KCNG4: variants seen among roughly 807,000 people sequenced by gnomAD.
KCNG4 encodes the protein potassium voltage-gated channel modifier subfamily G member 4, also known as voltage-gated potassium channel regulatory subunit KCNG4.
Under a neutral mutation model 28.2 loss-of-function variants are expected in KCNG4, and 30 were observed. The ratio of observed to expected loss-of-function variants is 1.06; its 90% CI spans 0.80 to 1.44. The LOEUF (loss-of-function observed/expected upper bound fraction) is 1.44. Among genes scored for constraint, KCNG4 ranks in the 40% most tolerant of loss-of-function variants. The pLI is 0.00. For missense variants in KCNG4, 879 were observed against 712.3 expected, an observed-to-expected ratio of 1.23 and a Z score of -2.66; for synonymous variants, 375 against 315.5, an observed-to-expected ratio of 1.19 and a Z score of -2.00.
intron 2 of KCNG4, among the ~76,000 whole-genome samples, chr16:84,232,113 A>G (rs1049703408): frequency 1.8e-4 from 28 of 151,738 alleles, no homozygotes; most frequent in Admixed American, 1.6e-3. Context: ...TCTCAAATCC[A>G]TCTTGTTCCT....
chr16:84,228,883 G>T (rs149725912), intron 2 of KCNG4, among the ~76,000 whole-genome samples: 1 of 152,338 alleles, frequency 6.6e-6, no homozygotes, highest in African/African-American at 2.4e-5. Context: ...GTCCTCTCCC[G>T]CTGCTGCCCT....
chr16:84,232,974 C>T (rs1471454971), intron 2 of KCNG4, among the ~76,000 whole-genome samples: 2 of 151,758 alleles, frequency 1.3e-5, no homozygotes, highest in Non-Finnish European at 1.5e-5. Flanking sequence ...GTCTTCTCTC[C>T]AGCACCCAGA....
intron 1 of KCNG4, among the ~76,000 whole-genome samples, chr16:84,237,943 A>G (rs561281998): frequency 7.2e-5 from 11 of 152,238 alleles, no homozygotes; most frequent in Admixed American, 2.0e-4. Context: ...ACAGGTAGTA[A>G]AAATAGAGCT....
intron 2 of KCNG4, among the ~76,000 whole-genome samples, chr16:84,228,141 A>AGCT (rs1462588677): frequency 6.6e-6 from 1 of 152,206 alleles, no homozygotes; most frequent in African/African-American, 2.4e-5. Flanking sequence ...CTGAGGGCAA[A>AGCT]GCTGCTGCCC....
At chr16:84,229,720 G>C (rs528541794) in intron 2 of KCNG4, among the ~76,000 whole-genome samples, 1 of 152,304 alleles carries the variant, frequency 6.6e-6, no homozygotes, top group South Asian at 2.1e-4. Flanking sequence ...CTGCAGAGGT[G>C]GGGGGACTGT....
At chr16:84,225,664 A>G (rs1567624377) in intron 2 of KCNG4, among the ~76,000 whole-genome samples, 1 of 152,248 alleles carries the variant, frequency 6.6e-6, no homozygotes, top group Non-Finnish European at 1.5e-5. Flanking sequence ...ATGACCCGAT[A>G]GCTCAGGAAG....
At chr16:84,238,521 G>T (rs1414792445) in intron 1 of KCNG4, among the ~76,000 whole-genome samples, 1 of 152,188 alleles carries the variant, frequency 6.6e-6, no homozygotes, top group African/African-American at 2.4e-5. Context: ...AGCCATCCTT[G>T]CTGTGTGACC....
chr16:84,231,033 A>G (rs1163004288), intron 2 of KCNG4, among the ~76,000 whole-genome samples: 1 of 152,200 alleles, frequency 6.6e-6, no homozygotes, highest in Non-Finnish European at 1.5e-5. Flanking sequence ...GGCCATTGCT[A>G]TTAGGTTGGA....
intron 1 of KCNG4, among the ~76,000 whole-genome samples, chr16:84,239,137 A>G (rs1164781885): frequency 6.6e-6 from 1 of 152,194 alleles, no homozygotes; most frequent in East Asian, 1.9e-4. Flanking sequence ...TGGAACGGAA[A>G]TCAAAGTTCC....
chr16:84,239,306 G>C (rs1597623571), intron 1 of KCNG4, among the ~76,000 whole-genome samples: 1 of 152,232 alleles, frequency 6.6e-6, no homozygotes, highest in East Asian at 1.9e-4. Context: ...AGAGAGAAGA[G>C]TATTTTGAAA....
In KCNG4 at chr16:84,221,903, G is replaced by C. The variant is rs1362724842; in HGVS notation, c.*314C>G. ...CTATGGGCATCCAGAACCCAGCCTGGGATGTTAAAGCCTCTGCTGGGAAGG... is the reference window on the plus strand; with the variant it reads ...CTATGGGCATCCAGAACCCAGCCTGCGATGTTAAAGCCTCTGCTGGGAAGG... On this transcript the variant is annotated 3_prime_UTR_variant, in exon 3 of 3. Transcript: ENST00000308251. 2.8e-6 allele frequency: 1 copy of C among 362,128 alleles called. No individual in the cohort carries two copies. The highest frequency in any genetic ancestry group is 5.0e-6 in the Non-Finnish European group (1 of 198,492). The allele number at this position is 362,128 out of a possible 1,614,324, so 22.4% of individuals were successfully genotyped here.
intron 2 of KCNG4, among the ~76,000 whole-genome samples, chr16:84,224,777 CTG>C (rs568129525): frequency 8.5e-4 from 129 of 152,356 alleles, no homozygotes; most frequent in Admixed American, 6.3e-3. Flanking sequence ...TCTTTGGAAA[CTG>C]AAGCACAGAG....
Position 84,222,820 on chromosome 16 carries a change from G to A in KCNG4, c.957C>T (p.Asp319=), listed in dbSNP as rs150509470. 6.3e-5 allele frequency: 101 copies of A among 1,609,808 alleles called. No homozygotes were observed. The highest frequency in any genetic ancestry group is 1.8e-4 in the Admixed American group (11 of 59,800). ...SLAVSEEPPE[D]GERPSGSSYL... is the part of the protein sequence containing the mutation. The stretch of plus-strand genomic sequence containing the variant: ...AGGAGCTCCCGCTCGGCCTCTCGCC[G>A]TCCTCCGGGGGCTCCTCAGACACCG... Residue 319 remains aspartate, a synonymous_variant, in exon 3 of 3, where the codon GAC becomes GAT. Transcript: ENST00000308251.
intron 2 of KCNG4, among the ~76,000 whole-genome samples, chr16:84,232,907 A>C (rs1469313612): frequency 6.6e-6 from 1 of 151,572 alleles, no homozygotes; most frequent in African/African-American, 2.4e-5. Context: ...AAAAAAAAAA[A>C]AAAAAAAAAT....
intron 2 of KCNG4, among the ~76,000 whole-genome samples, chr16:84,230,145 C>G (rs371644608): frequency 6.6e-6 from 1 of 152,186 alleles, no homozygotes; most frequent in Admixed American, 6.5e-5. Context: ...TGGCTCAGGC[C>G]TATAATCCCA....
At chr16:84,223,125 T>C in intron 2 of KCNG4, 105 bp from the exon 3 acceptor site, 1 of 934,038 alleles carries the variant, frequency 1.1e-6, no homozygotes, top group Non-Finnish European at 1.6e-6. Flanking sequence ...GTAAACTTAG[T>C]CGTCCACCAG....
chr16:84,219,912 T>C lies in KCNG4; in HGVS notation c.*2305A>G, dbSNP rs1195483135. On this transcript the variant is annotated 3_prime_UTR_variant, in exon 3 of 3. Coordinates refer to ENST00000308251, the MANE Select transcript of KCNG4 (RefSeq NM_172347.3). ...ATTAGCTGAGCATTTGATCTCCAAA[T>C]AGCTGGGATTACAGGTGGTGGGTGC... 6.7e-6 allele frequency: 1 copy of C among 150,244 alleles called. No homozygotes were observed. Among genetic ancestry groups the C allele is most frequent in the Non-Finnish European group, 1.5e-5 (1 of 67,618 alleles). The allele number at this position is 150,244 out of a possible 1,614,324, so 9.3% of individuals were successfully genotyped here. A position where few individuals can be genotyped will look rare whatever the true frequency, so the allele number is the denominator to read the frequency against.
At position 84,222,228 on chromosome 16, in the gene KCNG4, T is replaced by G; in HGVS notation, c.1549A>C (p.Met517Leu). ...LILEGPALPI[M>L]HM Reference sequence around the variant, plus strand: ...TGGGGGGTGCTGAGTTACATGTGCATGATAGGCAAGGCTGGGCCCTCCAGG... The same window carrying G: ...TGGGGGGTGCTGAGTTACATGTGCAGGATAGGCAAGGCTGGGCCCTCCAGG... The change falls in exon 3 of 3, where the codon ATG becomes CTG. Residue 517 changes from methionine to leucine, a missense_variant. Physicochemically the swap from Met to Leu is conservative, Grantham distance 15. Transcript: ENST00000308251. The G allele has an allele frequency of 6.2e-7, 1 of 1,614,068 alleles. No individual in the cohort carries two copies. The highest frequency in any genetic ancestry group is 8.5e-7 in the Non-Finnish European group (1 of 1,180,006).
At position 84,237,264 on chromosome 16, in the gene KCNG4, C is replaced by G. The variant is rs770686584; in HGVS notation, c.222G>C (p.Trp74Cys). Residue 74 changes from tryptophan (W) to cysteine (C), a missense_variant, in exon 2 of 3, where the codon TGG (tryptophan) becomes TGC (cysteine). Transcript: ENST00000308251. The stretch of plus-strand genomic sequence containing the variant: ...TCAGCGGGAACCGGTCCAGTGTGCT[C>G]CAGGGGAGGAGATACCTCCTGCCCC... Reference protein sequence around the residue: ...NVGGRRYLLPWSTLDRFPLSR... With the variant: ...NVGGRRYLLPCSTLDRFPLSR... The G allele has an allele frequency of 6.2e-7, 1 of 1,612,452 alleles. No homozygotes were observed. Among genetic ancestry groups the G allele is most frequent in the Non-Finnish European group, 8.5e-7 (1 of 1,178,908 alleles).
Sources: gnomAD v4.1 joint callset for allele counts (sites outside exome capture counted in the v4.1 genomes callset) on GRCh38, gnomAD v4.1.1 for gene constraint, MANE v1.5 for transcripts, NCBI Gene and HGNC (gene_info 2026-07-23, HGNC 2026-07-21) for gene names.